Variants in CSNK1G1 observed in about 807,000 individuals in gnomAD.
CSNK1G1 encodes casein kinase I isoform gamma-1.
Under a neutral mutation model 59.6 loss-of-function variants are expected in CSNK1G1, and 22 were observed. That is an observed-to-expected ratio of 0.37 (90% CI 0.26 to 0.53). CSNK1G1 has a LOEUF of 0.53. CSNK1G1 is among the 20% of genes least tolerant of loss of function. CSNK1G1 has a pLI of 0.89. For synonymous variants in CSNK1G1, 179 were observed against 177.1 expected, an observed-to-expected ratio of 1.01 and a Z score of -0.08; for missense variants, 384 against 519.5, an observed-to-expected ratio of 0.74 and a Z score of 2.54.
rs11301406 is a variant in CSNK1G1 at position 64,353,646 on chromosome 15, CAAAAAAA to C, written c.-225+2335_-225+2341del. ...TGGGTGACAGAGTGAGACTCCATTT[CAAAAAAA>C]AAAAAAAAAAAGAAAGAAAAAGACT... On this transcript the variant is annotated intron_variant, in intron 1 of 11. Transcript: ENST00000303052. Among the ~76,000 whole-genome samples the C allele has an allele frequency of 4.1e-4, 47 of 113,374 alleles. 1 individual carries two copies. The highest frequency in any genetic ancestry group is 1.4e-3 in the African/African-American group (44 of 30,878). 74.4% of individuals were successfully genotyped at this position (113,374 alleles called of 152,430 possible).
chr15:64,198,008 C>G (rs2082058293), intron 10 of CSNK1G1, among the ~76,000 whole-genome samples: 1 of 151,962 alleles, frequency 6.6e-6, no homozygotes, highest in African/African-American at 2.4e-5. Context: ...TGCAGCTTCT[C>G]TCATCAAATT....
At position 64,213,876 on chromosome 15, in the gene CSNK1G1, A is replaced by G; in HGVS notation, c.679+14T>C. 15 of 1,567,738 alleles carry G rather than the reference A, an allele frequency of 9.6e-6. No homozygotes were observed. Among genetic ancestry groups the G allele is most frequent in the Non-Finnish European group, 1.2e-5 (14 of 1,138,250 alleles). On this transcript the variant is annotated intron_variant, in intron 6 of 11. Transcript: ENST00000303052. The stretch of plus-strand genomic sequence containing the variant: ...TAATGACTCGCCCCTTTCATGGAAC[A>G]GAAAAAAACACACCTTTGCCAAGAT...
chr15:64,254,464 G>A (rs556824117), intron 3 of CSNK1G1, among the ~76,000 whole-genome samples: 1 of 150,328 alleles, frequency 6.7e-6, no homozygotes, highest in East Asian at 2.0e-4. Flanking sequence ...CGATTTTCCT[G>A]CCTCAGCCTC....
intron 2 of CSNK1G1, 37 bp downstream of exon 2, chr15:64,300,282 T>C (rs760402414): frequency 5.8e-5 from 92 of 1,584,312 alleles, no homozygotes; most frequent in Non-Finnish European, 7.4e-5. Context: ...ATAGGTATTG[T>C]TGTTAGTAGA....
chr15:64,210,099 TCCTAAATCAGGAAGGGTA>T lies in CSNK1G1; in HGVS notation c.680-2523_680-2506del, dbSNP rs902374962. Among the ~76,000 whole-genome samples the T allele has an allele frequency of 2.0e-5, 3 of 152,114 alleles. No homozygotes were observed. Among genetic ancestry groups the T allele is most frequent in the Non-Finnish European group, 2.9e-5 (2 of 68,014 alleles). On this transcript the variant is annotated intron_variant, in intron 6 of 11. Transcript: ENST00000303052. The surrounding 1 kb of genome is among the most constrained non-coding windows in gnomAD (Gnocchi z 4.2). ...ATGGGACAATAGGAAAAATAAGGGT[TCCTAAATCAGGAAGGGTA>T]CCTAAATAAGGTACCCAAAATAAGG...
chr15:64,239,619 T>C (rs77294456), intron 4 of CSNK1G1, among the ~76,000 whole-genome samples: 7,696 of 152,182 alleles, frequency 0.051, 193 homozygotes, highest in South Asian at 0.079. Flanking sequence ...GCTCCATCGA[T>C]CCACTTGCCT....
intron 4 of CSNK1G1, among the ~76,000 whole-genome samples, chr15:64,221,423 T>C (rs190415738): frequency 8.5e-5 from 13 of 152,230 alleles, no homozygotes; most frequent in Non-Finnish European, 1.5e-5. Context: ...ATGTCACCCA[T>C]TACTCCTACC....
In CSNK1G1 at chr15:64,333,433, C is replaced by CAAAAAAAAAAA. The variant is rs59451869; in HGVS notation, c.-225+22544_-225+22554dup. Among the ~76,000 whole-genome samples the CAAAAAAAAAAA allele has an allele frequency of 1.7e-4, 4 of 23,086 alleles. 1 individual carries two copies. The highest frequency in any genetic ancestry group is 9.6e-4 in the African/African-American group (4 of 4,154). 15.1% of individuals were successfully genotyped at this position (23,086 alleles called of 152,430 possible). On this transcript the variant is annotated intron_variant, in intron 1 of 11. Coordinates refer to ENST00000303052, the MANE Select transcript of CSNK1G1 (RefSeq NM_022048.5). ...TGGGCAACACAGTGAGACACCATCT[C>CAAAAAAAAAAA]AAAAAAAAAAAAAAAAAAAAAAAAA...
chr15:64,257,519 G>C (rs763590405), intron 3 of CSNK1G1, among the ~76,000 whole-genome samples: 2 of 152,016 alleles, frequency 1.3e-5, no homozygotes, highest in Non-Finnish European at 2.9e-5. Flanking sequence ...TAAAAAATAT[G>C]GTTAATATTA....
rs1380718447 is a variant in CSNK1G1, at chr15:64,278,367, CATGTATGTGCGTGT to C, written c.182-19140_182-19127del. ...CAGTCCAGGGGTAAAAGTATATATG[CATGTATGTGCGTGT>C]GTGTGTGTGTGTGTGTGTGTGTGTG... On this transcript the variant is annotated intron_variant, in intron 2 of 11. Transcript: ENST00000303052. Among the ~76,000 whole-genome samples, 2 of 123,642 alleles carry C rather than the reference CATGTATGTGCGTGT, an allele frequency of 1.6e-5. 1 individual carries two copies. Among genetic ancestry groups the C allele is most frequent in the Admixed American group, 1.6e-4 (2 of 12,124 alleles). The allele number at this position is 123,642 out of a possible 152,430, so 81.1% of individuals were successfully genotyped here.
At chr15:64,212,784 T>C (rs1470343931) in intron 6 of CSNK1G1, among the ~76,000 whole-genome samples, 1 of 152,070 alleles carries the variant, frequency 6.6e-6, no homozygotes, top group East Asian at 1.9e-4. Context: ...GGCAGGCAGA[T>C]CACTTAAGGC....
Position 64,277,749 on chromosome 15 carries a change from TTAATAATATAGCAATATTGATATATTTAA to T in CSNK1G1, c.182-18537_182-18509del, listed in dbSNP as rs1893778361. 4.2e-4 allele frequency among the ~76,000 whole-genome samples: 26 copies of T among 61,410 alleles called. 1 individual carries two copies. Among genetic ancestry groups the T allele is most frequent in the East Asian group, 3.0e-3 (2 of 672 alleles). 40.3% of individuals were successfully genotyped at this position (61,410 alleles called of 152,430 possible). The stretch of plus-strand genomic sequence containing the variant: ...TAATAATATATTAATATTGATATAT[TTAATAATATAGCAATATTGATATATTTAA>T]TAATATATTAATATTGATATATTTA... On this transcript the variant is annotated intron_variant, in intron 2 of 11. Coordinates refer to ENST00000303052, the MANE Select transcript of CSNK1G1 (RefSeq NM_022048.5).
intron 2 of CSNK1G1, among the ~76,000 whole-genome samples, chr15:64,298,468 T>G (rs138354958): frequency 6.6e-6 from 1 of 152,330 alleles, no homozygotes; most frequent in African/African-American, 2.4e-5. Context: ...TGCTAGAAAG[T>G]AAAGCAGTAA....
chr15:64,310,082 C>T (rs1895910520), intron 1 of CSNK1G1, among the ~76,000 whole-genome samples: 2 of 151,704 alleles, frequency 1.3e-5, no homozygotes, highest in African/African-American at 2.4e-5. Context: ...CACTACCCTC[C>T]AGCCTGGGAG....
intron 4 of CSNK1G1, among the ~76,000 whole-genome samples, chr15:64,225,990 C>T (rs1375293890): frequency 2.0e-5 from 3 of 152,186 alleles, no homozygotes; most frequent in Admixed American, 2.0e-4. Context: ...CTTGAGCCAC[C>T]CGCTCAAGCC....
intron 1 of CSNK1G1, among the ~76,000 whole-genome samples, chr15:64,333,554 A>G (rs1897232347): frequency 6.6e-6 from 1 of 152,064 alleles, no homozygotes; most frequent in South Asian, 2.1e-4. Flanking sequence ...CTAGGTAACA[A>G]TCAACATGAT....
intron 1 of CSNK1G1, among the ~76,000 whole-genome samples, chr15:64,353,021 G>A (rs1263876639): frequency 7.9e-5 from 12 of 151,956 alleles, no homozygotes; most frequent in Admixed American, 2.6e-4. Flanking sequence ...CTTAGCAGGC[G>A]GAGATTGCAA....
chr15:64,229,218 ATAT>A (rs1369270239), intron 4 of CSNK1G1, among the ~76,000 whole-genome samples: 2 of 152,074 alleles, frequency 1.3e-5, no homozygotes, highest in Non-Finnish European at 2.9e-5. Context: ...TTAGAAATAT[ATAT>A]TATAGTGAAC....
At chr15:64,316,549 AAAAAAAAG>A (rs1487907623) in intron 1 of CSNK1G1, among the ~76,000 whole-genome samples, 1 of 151,484 alleles carries the variant, frequency 6.6e-6, no homozygotes, top group African/African-American at 2.4e-5. Flanking sequence ...AAAAAAAAAA[AAAAAAAAG>A]AAAAGAAAAA....
Sources: gnomAD v4.1 joint callset for allele counts (sites outside exome capture counted in the v4.1 genomes callset) on GRCh38, gnomAD v4.1.1 for gene constraint, Gnocchi (gnomAD v3.1) non-coding constraint, MANE v1.5 for transcripts, NCBI Gene and HGNC (gene_info 2026-07-23, HGNC 2026-07-21) for gene names.